Variants in HSF5 observed in about 807,000 individuals in gnomAD.
The protein encoded by HSF5 is heat shock factor protein 5.
HSF5 carries 5 observed loss-of-function variants against 50.8 expected under a neutral mutation model. That is an observed-to-expected ratio of 0.10 (90% CI 0.05 to 0.21). The LOEUF (loss-of-function observed/expected upper bound fraction) is 0.21. Ranked by LOEUF, HSF5 falls within the 10% of genes least tolerant of loss-of-function variation. The pLI is 1.00. For missense variants in HSF5, 564 were observed against 762.6 expected (o/e 0.74, Z 3.07); for synonymous variants, 307 against 307.4 (o/e 1.00, Z 0.02).
chr17:58,476,019 G>A, intron 2 of HSF5: 2 of 386,126 alleles, frequency 5.2e-6, no homozygotes, highest in Non-Finnish European at 9.6e-6. Context: ...GGGTGACTGA[G>A]CACAAGAGGA....
chr17:58,467,771 C>T (rs1178006252), intron 2 of HSF5, among the ~76,000 whole-genome samples: 1 of 152,140 alleles, frequency 6.6e-6, no homozygotes, highest in Non-Finnish European at 1.5e-5. Flanking sequence ...CAAAACTTTC[C>T]CTTTATAGTC....
chr17:58,425,575 C>CAAAAAAAAAAAAAAAAAAAAA, intron 5 of HSF5, among the ~76,000 whole-genome samples: 1 of 32,990 alleles, frequency 3.0e-5, no homozygotes, highest in African/African-American at 1.5e-4. Flanking sequence ...ACCTCTATCT[C>CAAAAAAAAAAAAAAAAAAAAA]AAAAAAAAAA....
Position 58,462,981 on chromosome 17 carries a change from T to C in HSF5, c.1343A>G (p.Gln448Arg). Residue 448 changes from glutamine to arginine, a missense_variant, in exon 4 of 6, where the codon CAA becomes CGA. Coordinates refer to ENST00000323777, the MANE Select transcript of HSF5 (RefSeq NM_001080439.3). ...CTGTGGTAGAGAGCAGGCAACTGCT[T>C]GTTCTGTTCCAACCACAAAAGACAT... ...DIMSFVVGTE[Q>R]AVACSLPQSP... 3 of 1,614,218 alleles carry C rather than the reference T, an allele frequency of 1.9e-6. No individual in the cohort carries two copies. Among genetic ancestry groups the C allele is most frequent in the Non-Finnish European group, 2.5e-6 (3 of 1,180,016 alleles).
intron 1 of HSF5, among the ~76,000 whole-genome samples, chr17:58,486,625 C>T (rs1166567314): frequency 2.0e-5 from 3 of 152,154 alleles, no homozygotes; most frequent in African/African-American, 7.2e-5. Flanking sequence ...TAATTTGCTT[C>T]AATGAAAGAA....
intron 5 of HSF5, among the ~76,000 whole-genome samples, chr17:58,452,095 T>C (rs1002819951): frequency 6.0e-5 from 9 of 151,124 alleles, no homozygotes; most frequent in African/African-American, 1.9e-4. Context: ...AAAAAAATTT[T>C]TAAATTAGCC....
intron 2 of HSF5, among the ~76,000 whole-genome samples, chr17:58,475,564 C>A (rs897547814): frequency 6.6e-6 from 1 of 152,156 alleles, no homozygotes; most frequent in African/African-American, 2.4e-5. Context: ...CACAATTAAA[C>A]ATGCAAAAAG....
At chr17:58,487,563 T>G (rs1386278943) in intron 1 of HSF5, among the ~76,000 whole-genome samples, 162 bp downstream of exon 1, 2 of 152,024 alleles carry the variant, frequency 1.3e-5, no homozygotes, top group Admixed American at 1.3e-4. Flanking sequence ...ACGGCGGCGG[T>G]GGCGGGACCG....
chr17:58,452,537 T>C (rs1974655000), intron 5 of HSF5, among the ~76,000 whole-genome samples: 2 of 151,968 alleles, frequency 1.3e-5, no homozygotes, highest in Non-Finnish European at 2.9e-5. Flanking sequence ...TGGCCTCGCA[T>C]GGTGGCTCAT....
intron 5 of HSF5, among the ~76,000 whole-genome samples, chr17:58,456,422 G>A (rs968058632): frequency 2.0e-5 from 3 of 152,128 alleles, no homozygotes; most frequent in African/African-American, 7.2e-5. Flanking sequence ...GTAGGAAAGT[G>A]GGGATATTGG....
chr17:58,424,606 C>T (rs1042582449), intron 5 of HSF5, among the ~76,000 whole-genome samples: 99 of 141,164 alleles, frequency 7.0e-4, no homozygotes, highest in African/African-American at 2.5e-3. Flanking sequence ...AGTGAGACTC[C>T]GTCTCAAAAA....
chr17:58,476,272 T>C (rs1479444201), intron 2 of HSF5: 5 of 961,944 alleles, frequency 5.2e-6, no homozygotes, highest in Non-Finnish European at 8.3e-6. Flanking sequence ...TTCTTCATCA[T>C]CCATATCAGG....
intron 5 of HSF5, among the ~76,000 whole-genome samples, chr17:58,427,235 G>T (rs1388742721): frequency 6.6e-6 from 1 of 152,094 alleles, no homozygotes; most frequent in East Asian, 1.9e-4. Context: ...ACTGCACTCA[G>T]ACTAAGCAAC....
intron 5 of HSF5, among the ~76,000 whole-genome samples, chr17:58,443,296 C>T (rs1974521300): frequency 6.6e-6 from 1 of 152,194 alleles, no homozygotes. Flanking sequence ...GTGTGAGCCA[C>T]TGCATCTGAT....
At chr17:58,427,638 T>G (rs1335803366) in intron 5 of HSF5, among the ~76,000 whole-genome samples, 1 of 152,222 alleles carries the variant, frequency 6.6e-6, no homozygotes, top group African/African-American at 2.4e-5. Context: ...TAGAAATTTT[T>G]TATTTGGTTC....
chr17:58,439,585 A>C (rs1219635838), intron 5 of HSF5, among the ~76,000 whole-genome samples: 1 of 152,138 alleles, frequency 6.6e-6, no homozygotes, highest in Non-Finnish European at 1.5e-5. Context: ...CCCGGGTTCA[A>C]GCAATTCTCC....
Position 58,458,849 on chromosome 17 carries a change from T to G in HSF5, c.1639A>C (p.Lys547Gln). The change falls in exon 5 of 6, where the codon AAG becomes CAG. Residue 547 changes from lysine to glutamine, a missense_variant. Physicochemically the swap from Lys to Gln is moderately conservative, Grantham distance 53. Coordinates refer to ENST00000323777, the MANE Select transcript of HSF5 (RefSeq NM_001080439.3). The stretch of plus-strand genomic sequence containing the variant: ...GCTAAACCTGTGTCTTCACTAGGCT[T>G]GCTAGCAGGCCCCATTTCTGAAATG... Reference protein sequence around the residue: ...FLISEMGPASKPSEDTGLATP... With the variant: ...FLISEMGPASQPSEDTGLATP... The G allele has an allele frequency of 6.2e-7, 1 of 1,614,176 alleles. No individual in the cohort carries two copies. The highest frequency in any genetic ancestry group is 8.5e-7 in the Non-Finnish European group (1 of 1,180,006).
intron 5 of HSF5, among the ~76,000 whole-genome samples, chr17:58,456,945 A>T (rs1974719827): frequency 6.6e-6 from 1 of 152,098 alleles, no homozygotes; most frequent in South Asian, 2.1e-4. Flanking sequence ...CAACATAGTG[A>T]GACCCCATCT....
intron 2 of HSF5, among the ~76,000 whole-genome samples, chr17:58,472,907 A>G (rs1025465720): frequency 1.3e-5 from 2 of 152,200 alleles, no homozygotes; most frequent in African/African-American, 4.8e-5. Context: ...CAGCATAAAA[A>G]GGTAGATTCC....
At chr17:58,477,087 C>T in intron 2 of HSF5, 1 of 451,684 alleles carries the variant, frequency 2.2e-6, no homozygotes. Flanking sequence ...GGCCTGACGA[C>T]AGGTATGGGC....
Sources: allele counts gnomAD v4.1 joint callset (sites outside exome capture counted in the v4.1 genomes callset), GRCh38; gene constraint gnomAD v4.1.1; transcripts MANE v1.5; gene names NCBI Gene and HGNC (gene_info 2026-07-23, HGNC 2026-07-21).